The following IQCJ variants were observed in gnomAD, a reference collection of about 807,000 sequenced individuals.
The protein encoded by IQCJ is IQ motif containing J.
Under a neutral mutation model 11.0 loss-of-function variants are expected in IQCJ, and 9 were observed. The observed-to-expected ratio is 0.82, with a 90% CI of 0.49 to 1.43. The LOEUF (loss-of-function observed/expected upper bound fraction) is 1.43. Among genes scored for constraint, IQCJ ranks in the 40% most tolerant of loss-of-function variants. The probability of loss-of-function intolerance (pLI) is 0.00; values close to 1 mark genes in which losing one functional copy is unlikely to be tolerated. For synonymous variants in IQCJ, 55 were observed against 51.3 expected (o/e 1.07, Z -0.31); for missense variants, 146 against 133.2 (o/e 1.10, Z -0.47).
chr3:159,084,262 A>T (rs978197141), intron 1 of IQCJ, among the ~76,000 whole-genome samples: 1 of 150,774 alleles, frequency 6.6e-6, no homozygotes, highest in African/African-American at 2.4e-5. Context: ...AAAAAAAAAT[A>T]GGGAGAAAAA....
At chr3:159,141,568 G>A (rs1720606043) in intron 1 of IQCJ, among the ~76,000 whole-genome samples, 1 of 152,178 alleles carries the variant, frequency 6.6e-6, no homozygotes, top group Non-Finnish European at 1.5e-5. Flanking sequence ...TACAGTCCAT[G>A]TTTGTGATAA....
At chr3:159,085,993 T>C (rs529607239) in intron 1 of IQCJ, among the ~76,000 whole-genome samples, 72 of 152,334 alleles carry the variant, frequency 4.7e-4, no homozygotes, top group African/African-American at 1.6e-3. Context: ...GCCTTGCCCA[T>C]GCCTATGTCC....
At chr3:159,114,167 C>T (rs1307289409) in intron 1 of IQCJ, among the ~76,000 whole-genome samples, 1 of 152,154 alleles carries the variant, frequency 6.6e-6, no homozygotes, top group Non-Finnish European at 1.5e-5. Flanking sequence ...CTCGCATTGT[C>T]TGCATGCACT....
chr3:159,248,861 A>ATT lies in IQCJ; in HGVS notation c.74+2966_74+2967dup, dbSNP rs111648681. On this transcript the variant is annotated intron_variant, in intron 2 of 3. Coordinates refer to ENST00000397832, the MANE Select transcript of IQCJ (RefSeq NM_001042706.3). ...TGGCCATGCTGGTTTTTCATTATTG[A>ATT]TTTTTTTTTTTTTGAGATGGGGTCT... 9.8e-3 allele frequency among the ~76,000 whole-genome samples: 1,424 copies of ATT among 146,048 alleles called. 13 individuals are homozygous for ATT. The highest frequency in any genetic ancestry group is 0.014 in the African/African-American group (553 of 39,844).
chr3:159,264,972 C>G (rs917737732), downstream of IQCJ, among the ~76,000 whole-genome samples: 4 of 151,458 alleles, frequency 2.6e-5, no homozygotes, highest in African/African-American at 7.3e-5. Flanking sequence ...AGAAAGCAAG[C>G]AGGCCCTGCC....
intron 1 of IQCJ, among the ~76,000 whole-genome samples, chr3:159,200,068 T>A (rs1724227192): frequency 8.1e-6 from 1 of 123,984 alleles, no homozygotes; most frequent in Non-Finnish European, 1.7e-5. Context: ...TATATATATA[T>A]GTGTGTGCAT....
intron 1 of IQCJ, among the ~76,000 whole-genome samples, chr3:159,200,794 A>G (rs927322905): frequency 9.9e-5 from 15 of 152,208 alleles, no homozygotes; most frequent in Non-Finnish European, 2.1e-4. Flanking sequence ...TCAAGACTAC[A>G]TCACATCTTT....
At chr3:159,189,039 T>C (rs970649620) in intron 1 of IQCJ, among the ~76,000 whole-genome samples, 2 of 152,132 alleles carry the variant, frequency 1.3e-5, no homozygotes, top group Non-Finnish European at 2.9e-5. Flanking sequence ...CTTTGGGGAC[T>C]TCATGGCACA....
chr3:159,249,401 A>AT (rs946210077), intron 2 of IQCJ, among the ~76,000 whole-genome samples: 5 of 151,806 alleles, frequency 3.3e-5, no homozygotes, highest in African/African-American at 1.2e-4. Context: ...TTGTGTGCTT[A>AT]TTTTTTTTCA....
chr3:159,155,300 G>A (rs984797460), intron 1 of IQCJ, among the ~76,000 whole-genome samples: 2 of 151,552 alleles, frequency 1.3e-5, no homozygotes, highest in Non-Finnish European at 2.9e-5. Flanking sequence ...TGGGACTACA[G>A]GCACACGCCA....
At chr3:159,208,816 G>A (rs1724796389) in intron 1 of IQCJ, among the ~76,000 whole-genome samples, 1 of 152,108 alleles carries the variant, frequency 6.6e-6, no homozygotes, top group Non-Finnish European at 1.5e-5. Context: ...AGACAATCCT[G>A]GATTAGGGAG....
At chr3:159,144,395 G>A (rs1271082191) in intron 1 of IQCJ, among the ~76,000 whole-genome samples, 1 of 152,184 alleles carries the variant, frequency 6.6e-6, no homozygotes, top group Non-Finnish European at 1.5e-5. Context: ...TCTTTGGCAT[G>A]ATTTAGGGAT....
chr3:159,088,020 A>G (rs1259014267), intron 1 of IQCJ, among the ~76,000 whole-genome samples: 1 of 151,622 alleles, frequency 6.6e-6, no homozygotes, highest in Non-Finnish European at 1.5e-5. Flanking sequence ...TAGGGTGTCA[A>G]TTTTAGATCT....
chr3:159,182,423 T>A (rs1723140041), intron 1 of IQCJ, among the ~76,000 whole-genome samples: 1 of 151,972 alleles, frequency 6.6e-6, no homozygotes, highest in Admixed American at 6.5e-5. Flanking sequence ...AAATATTTAA[T>A]GAATTACATG....
At chr3:159,261,332 T>G (rs1728190802) in intron 3 of IQCJ, among the ~76,000 whole-genome samples, 1 of 152,198 alleles carries the variant, frequency 6.6e-6, no homozygotes, top group African/African-American at 2.4e-5. Flanking sequence ...TTAGACTGTG[T>G]TCAGTGACCC....
intron 1 of IQCJ, 54 bp from the exon 2 acceptor site, chr3:159,245,789 T>G: frequency 7.0e-7 from 1 of 1,429,280 alleles, no homozygotes; most frequent in East Asian, 2.5e-5. Flanking sequence ...TTGAATAGCA[T>G]TGCTCGGAAG....
At chr3:159,085,249 AT>A (rs1288143389) in intron 1 of IQCJ, among the ~76,000 whole-genome samples, 1 of 151,468 alleles carries the variant, frequency 6.6e-6, no homozygotes, top group Non-Finnish European at 1.5e-5. Flanking sequence ...ACATGAACTC[AT>A]CATTTTTTAT....
intron 1 of IQCJ, among the ~76,000 whole-genome samples, chr3:159,230,466 A>G (rs1388379916): frequency 3.3e-5 from 5 of 152,188 alleles, no homozygotes; most frequent in African/African-American, 2.4e-5. Context: ...AAAATTTATG[A>G]TACTTGATGT....
chr3:159,114,013 T>C (rs1718795779), intron 1 of IQCJ, among the ~76,000 whole-genome samples: 1 of 152,032 alleles, frequency 6.6e-6, no homozygotes, highest in Non-Finnish European at 1.5e-5. Flanking sequence ...AAGGGTGATT[T>C]TGTTATTATT....
Sources: allele counts gnomAD v4.1 joint callset (sites outside exome capture counted in the v4.1 genomes callset), GRCh38; gene constraint gnomAD v4.1.1; transcripts MANE v1.5; gene names NCBI Gene and HGNC (gene_info 2026-07-23, HGNC 2026-07-21).